The following SBF2 variants were observed in gnomAD, a reference collection of about 807,000 sequenced individuals.
SBF2 encodes myotubularin-related protein 13.
A neutral mutation model predicts 225.2 loss-of-function variants in SBF2; 112 were observed. The observed-to-expected ratio is 0.50, with a 90% CI of 0.43 to 0.58. SBF2 has a LOEUF of 0.58. SBF2 is among the 20% of genes least tolerant of loss of function. The pLI, the probability that SBF2 is intolerant of heterozygous loss-of-function variation, is 0.00. For missense variants in SBF2, 1,996 were observed against 2,206.2 expected (o/e 0.90, Z 1.91); for synonymous variants, 763 against 773.3 (o/e 0.99, Z 0.22).
intron 2 of SBF2, among the ~76,000 whole-genome samples, chr11:10,169,169 TTG>T (rs1239569258): frequency 6.6e-6 from 1 of 152,208 alleles, no homozygotes; most frequent in Non-Finnish European, 1.5e-5. Flanking sequence ...CATTTATCCT[TTG>T]TGTTACAAAA....
upstream of SBF2, among the ~76,000 whole-genome samples, chr11:10,299,031 T>G (rs1377180264): frequency 6.6e-6 from 1 of 152,110 alleles, no homozygotes; most frequent in Non-Finnish European, 1.5e-5. Flanking sequence ...AAGAAAAGGC[T>G]TCATAGATGA....
intron 2 of SBF2, among the ~76,000 whole-genome samples, chr11:10,058,246 A>G (rs1950320851): frequency 6.6e-6 from 1 of 152,228 alleles, no homozygotes; most frequent in Admixed American, 6.5e-5. Context: ...GCAAAACCCA[A>G]TCCAAGGAAA....
chr11:9,945,463 C>T (rs560786442), intron 16 of SBF2, among the ~76,000 whole-genome samples: 1 of 152,222 alleles, frequency 6.6e-6, no homozygotes, highest in Admixed American at 6.5e-5. Context: ...GGATTGGTGA[C>T]TTAAATGTAA....
chr11:9,822,514 C>T (rs944706004), intron 28 of SBF2, among the ~76,000 whole-genome samples: 1 of 152,162 alleles, frequency 6.6e-6, no homozygotes, highest in Admixed American at 6.5e-5. Context: ...CCCGCCTCGG[C>T]CTCCCAAAGT....
intron 2 of SBF2, among the ~76,000 whole-genome samples, chr11:10,110,806 C>A (rs540090800): frequency 6.6e-6 from 1 of 152,120 alleles, no homozygotes; most frequent in African/African-American, 2.4e-5. Flanking sequence ...AAAGTCAAAT[C>A]AGGAAAATGG....
chr11:10,238,228 G>C (rs993490886), intron 1 of SBF2, among the ~76,000 whole-genome samples: 12 of 152,104 alleles, frequency 7.9e-5, no homozygotes, highest in African/African-American at 2.9e-4. Context: ...GGGCAACATG[G>C]TGAAACCCTA....
intron 1 of SBF2, among the ~76,000 whole-genome samples, chr11:10,218,320 A>C (rs964578932): frequency 0.036 from 2,716 of 76,204 alleles, 1 homozygote; most frequent in Non-Finnish European, 0.042. Context: ...GGAAAGACCC[A>C]CCCCCCCCCC....
At chr11:10,111,435 C>T (rs1379712027) in intron 2 of SBF2, among the ~76,000 whole-genome samples, 3 of 152,120 alleles carry the variant, frequency 2.0e-5, no homozygotes, top group Non-Finnish European at 2.9e-5. Context: ...ATTTCATTTC[C>T]AATACTATAA....
intron 17 of SBF2, among the ~76,000 whole-genome samples, chr11:9,864,087 T>A (rs1038198008): frequency 2.2e-4 from 33 of 152,338 alleles, no homozygotes; most frequent in African/African-American, 7.5e-4. Flanking sequence ...GAATGGCCTA[T>A]AAGCAATGAG....
chr11:10,282,977 C>T (rs1963513449), intron 1 of SBF2, among the ~76,000 whole-genome samples: 3 of 152,152 alleles, frequency 2.0e-5, no homozygotes, highest in Non-Finnish European at 4.4e-5. Flanking sequence ...CATTCACATA[C>T]ACACATTTTT....
intron 14 of SBF2, among the ~76,000 whole-genome samples, chr11:9,965,802 G>A (rs945816866): frequency 2.6e-5 from 4 of 152,208 alleles, no homozygotes; most frequent in African/African-American, 9.6e-5. Flanking sequence ...TTTTAATCAT[G>A]TAACATTAAT....
At chr11:10,047,549 T>A (rs1363254625) in intron 2 of SBF2, among the ~76,000 whole-genome samples, 1 of 152,154 alleles carries the variant, frequency 6.6e-6, no homozygotes, top group Non-Finnish European at 1.5e-5. Flanking sequence ...AAATGTTAGG[T>A]ATTATGACCA....
intron 2 of SBF2, among the ~76,000 whole-genome samples, chr11:10,044,259 A>G (rs2134686145): frequency 6.6e-6 from 1 of 152,200 alleles, no homozygotes; most frequent in African/African-American, 2.4e-5. Flanking sequence ...AAAAAAAAAA[A>G]AGGCACAAAT....
chr11:9,821,071 GCACAGA>G (rs1183548292), intron 28 of SBF2, among the ~76,000 whole-genome samples: 1 of 152,044 alleles, frequency 6.6e-6, no homozygotes, highest in African/African-American at 2.4e-5. Flanking sequence ...TTGGAGAAAG[GCACAGA>G]CCTTTCTCCA....
intron 1 of SBF2, 58 bp from the exon 2 acceptor site, chr11:10,194,045 A>C: frequency 3.2e-5 from 33 of 1,042,614 alleles, no homozygotes; most frequent in Non-Finnish European, 5.0e-5. Flanking sequence ...ACAAATACTC[A>C]TTCTACTCTT....
At chr11:10,176,610 C>T (rs1160316609) in intron 2 of SBF2, among the ~76,000 whole-genome samples, 3 of 152,040 alleles carry the variant, frequency 2.0e-5, no homozygotes, top group Admixed American at 6.6e-5. Context: ...ATAAATTCCT[C>T]GACATATACA....
intron 26 of SBF2, among the ~76,000 whole-genome samples, chr11:9,832,966 T>C (rs1376478587): frequency 6.6e-6 from 1 of 152,266 alleles, no homozygotes; most frequent in East Asian, 1.9e-4. Flanking sequence ...CCTTGCCTTA[T>C]ACATTACTTT....
intron 1 of SBF2, among the ~76,000 whole-genome samples, chr11:10,272,799 G>A (rs369687061): frequency 1.3e-5 from 2 of 148,830 alleles, no homozygotes; most frequent in South Asian, 4.3e-4. Flanking sequence ...TGCCGGGCGC[G>A]GTGGCTCCCG....
At chr11:9,921,636 TTAAAG>T (rs1391087304) in intron 16 of SBF2, among the ~76,000 whole-genome samples, 26 of 152,242 alleles carry the variant, frequency 1.7e-4, no homozygotes, top group South Asian at 4.1e-4. Context: ...CTCTATTTGC[TTAAAG>T]TAAATTGTCG....
Sources: allele counts gnomAD v4.1 joint callset (sites outside exome capture counted in the v4.1 genomes callset), GRCh38; gene constraint gnomAD v4.1.1; transcripts MANE v1.5; gene names NCBI Gene and HGNC (gene_info 2026-07-23, HGNC 2026-07-21).